Variants in NDE1 observed in about 807,000 individuals in gnomAD.
NDE1 encodes the protein nuclear distribution protein nudE homolog 1.
Under a neutral mutation model 43.4 loss-of-function variants are expected in NDE1, and 28 were observed. The observed-to-expected ratio is 0.65, with a 90% CI of 0.48 to 0.89. The LOEUF is 0.89. Ranked by LOEUF, NDE1 falls within the 40% of genes least tolerant of loss-of-function variation. The pLI, the probability that NDE1 is intolerant of heterozygous loss-of-function variation, is 0.00. For synonymous variants in NDE1, 184 were observed against 172.0 expected (o/e 1.07, Z -0.55); for missense variants, 441 against 434.1 (o/e 1.02, Z -0.14).
chr16:15,692,554 G>A (rs371311094), intron 6 of NDE1, among the ~76,000 whole-genome samples: 21 of 150,104 alleles, frequency 1.4e-4, no homozygotes, highest in East Asian at 1.0e-3. Flanking sequence ...TGAATTACAG[G>A]TGCCCACCAC....
chr16:15,676,801 C>T (rs898289155), intron 3 of NDE1, among the ~76,000 whole-genome samples: 2 of 152,154 alleles, frequency 1.3e-5, no homozygotes, highest in African/African-American at 4.8e-5. Flanking sequence ...GTAGCTAGGA[C>T]TACAGGCAAG....
chr16:15,709,500 A>G (rs1368501794), intron 8 of NDE1, among the ~76,000 whole-genome samples: 1 of 152,096 alleles, frequency 6.6e-6, no homozygotes, highest in Non-Finnish European at 1.5e-5. Flanking sequence ...TTTTTAGTAG[A>G]GACGGAGTTT....
intron 1 of NDE1, among the ~76,000 whole-genome samples, chr16:15,655,309 C>T (rs1349028622): frequency 1.3e-5 from 2 of 151,952 alleles, no homozygotes; most frequent in African/African-American, 4.8e-5. Flanking sequence ...TGCATCGTGA[C>T]GCCCTGCTGA....
Position 15,691,268 on chromosome 16 carries a change from C to T in NDE1, c.648C>T (p.Pro216=), listed in dbSNP as rs564697814. Residue 216 remains proline, a synonymous_variant, in exon 6 of 9, where the codon CCC becomes CCT. Coordinates refer to ENST00000396354, the MANE Select transcript of NDE1 (RefSeq NM_017668.3). ...CCACGGGCTCCGTGCCGTCCACGCC[C>T]ATTGCTCACCGAGGACCCAGCTCAA... ...VQATGSVPST[P]IAHRGPSSSL... is the part of the protein sequence containing the mutation. The T allele has an allele frequency of 1.9e-6, 3 of 1,614,172 alleles. No individual in the cohort carries two copies. The highest frequency in any genetic ancestry group is 1.7e-5 in the Admixed American group (1 of 60,008).
chr16:15,694,445 A>G (rs1799881195), intron 7 of NDE1, 189 bp downstream of exon 7: 2 of 1,420,040 alleles, frequency 1.4e-6, no homozygotes, highest in Non-Finnish European at 1.9e-6. Context: ...TCCTGGGTTC[A>G]AGCGATCCTC....
At chr16:15,719,706 A>T in intron 8 of NDE1, 1 of 1,614,194 alleles carries the variant, frequency 6.2e-7, no homozygotes, top group Non-Finnish European at 8.5e-7. Flanking sequence ...AAAGTCCTTC[A>T]TCTGAGCCTG....
At chr16:15,648,799 ACT>A (rs1403372759), upstream of NDE1, among the ~76,000 whole-genome samples, 3 of 151,736 alleles carry the variant, frequency 2.0e-5, no homozygotes, top group South Asian at 2.1e-4. Flanking sequence ...CAAGAGGGAA[ACT>A]CTGTCTCGAA....
In NDE1 at chr16:15,724,596, G is replaced by A. The variant is rs747530482; in HGVS notation, c.*345G>A. On this transcript the variant is annotated 3_prime_UTR_variant, in exon 9 of 9. Transcript: ENST00000396354. ...CGATCTGCCTGCGGGGGATCTCAGC[G>A]CAGAGAAGTTGAGAGGACCCATGAA... 2.4e-5 allele frequency: 38 copies of A among 1,612,152 alleles called. No homozygotes were observed. Among genetic ancestry groups the A allele is most frequent in the South Asian group, 1.2e-4 (11 of 90,994 alleles).
At chr16:15,720,097 G>C in intron 8 of NDE1, 2 of 1,612,188 alleles carry the variant, frequency 1.2e-6, no homozygotes, top group Non-Finnish European at 1.7e-6. Flanking sequence ...TCGGTGGCCT[G>C]AGGGGAACTG....
chr16:15,674,165 C>T (rs1246952513), intron 3 of NDE1, among the ~76,000 whole-genome samples: 1 of 152,130 alleles, frequency 6.6e-6, no homozygotes, highest in African/African-American at 2.4e-5. Flanking sequence ...TGGTAATTAA[C>T]AAGATCTCCC....
chr16:15,693,430 A>G (rs931226807), intron 6 of NDE1, among the ~76,000 whole-genome samples: 14 of 152,206 alleles, frequency 9.2e-5, no homozygotes. Flanking sequence ...TCTTGTATCT[A>G]TCACAGATGC....
intron 4 of NDE1, chr16:15,686,256 A>G (rs896710867): frequency 1.2e-5 from 7 of 590,612 alleles, no homozygotes; most frequent in African/African-American, 6.1e-5. Flanking sequence ...CCGGGCCTGT[A>G]TGACTTCTTG....
At chr16:15,691,644 TGGG>T (rs1567654263) in intron 6 of NDE1, among the ~76,000 whole-genome samples, 2 of 79,886 alleles carry the variant, frequency 2.5e-5, no homozygotes, top group African/African-American at 1.4e-4. Flanking sequence ...TTTTTTTTGT[TGGG>T]TTTTTTTTTT....
intron 3 of NDE1, among the ~76,000 whole-genome samples, chr16:15,675,017 G>A (rs752209340): frequency 3.3e-5 from 5 of 152,090 alleles, no homozygotes; most frequent in Admixed American, 3.3e-4. Flanking sequence ...TTTGGTTGTG[G>A]ACACCTTGGG....
intron 8 of NDE1, among the ~76,000 whole-genome samples, chr16:15,722,297 T>C (rs139810057): frequency 3.3e-5 from 5 of 152,330 alleles, no homozygotes; most frequent in South Asian, 2.1e-4. Flanking sequence ...CTTACAAAAG[T>C]ATCCTAAGAG....
intron 8 of NDE1, among the ~76,000 whole-genome samples, chr16:15,711,762 A>G (rs983576226): frequency 2.0e-5 from 3 of 152,064 alleles, no homozygotes; most frequent in Non-Finnish European, 2.9e-5. Context: ...GTGCGATCTC[A>G]GCTCACTGTA....
chr16:15,687,860 C>CT (rs1449246385), intron 5 of NDE1, among the ~76,000 whole-genome samples: 1 of 152,234 alleles, frequency 6.6e-6, no homozygotes, highest in Non-Finnish European at 1.5e-5. Flanking sequence ...ACACAGCAAA[C>CT]TACCCTGATG....
intron 8 of NDE1, chr16:15,711,137 T>G (rs183660745): frequency 6.6e-6 from 1 of 152,432 alleles, no homozygotes; most frequent in African/African-American, 2.4e-5. Context: ...GGCTTTTCCC[T>G]GAAGGCTTGG....
intron 8 of NDE1, chr16:15,715,342 G>C: frequency 1.4e-6 from 2 of 1,467,482 alleles, no homozygotes; most frequent in Non-Finnish European, 1.9e-6. Context: ...GTGTCACCTG[G>C]AGGTGGCATC....
Sources: allele counts gnomAD v4.1 joint callset (sites outside exome capture counted in the v4.1 genomes callset), GRCh38; gene constraint gnomAD v4.1.1; transcripts MANE v1.5; gene names NCBI Gene and HGNC (gene_info 2026-07-23, HGNC 2026-07-21).